P2RY6: variants seen among roughly 807,000 people sequenced by gnomAD.
P2RY6 encodes the protein pyrimidinergic receptor P2Y6.
In P2RY6, 19 loss-of-function variants were observed where a neutral mutation model predicts 16.3. The ratio of observed to expected loss-of-function variants is 1.16; its 90% CI spans 0.81 to 1.71. The LOEUF is 1.71. Among genes scored for constraint, P2RY6 ranks in the 40% most tolerant of loss-of-function variants. P2RY6 has a pLI of 0.00. For missense variants in P2RY6, 389 were observed against 455.5 expected, an observed-to-expected ratio of 0.85 and a Z score of 1.33; for synonymous variants, 184 against 201.5, an observed-to-expected ratio of 0.91 and a Z score of 0.74.
upstream of P2RY6, among the ~76,000 whole-genome samples, chr11:73,270,320 G>A (rs1357021093): frequency 6.6e-6 from 1 of 152,134 alleles, no homozygotes; most frequent in African/African-American, 2.4e-5. Context: ...CTGGGGCTTG[G>A]GGTAGGAGAA....
chr11:73,291,796 A>G lies in P2RY6; in HGVS notation c.-120-3934A>G, dbSNP rs545787024. On this transcript the variant is annotated intron_variant, in intron 1 of 2. Coordinates refer to ENST00000540124, the MANE Select transcript of P2RY6 (RefSeq NM_001277204.2). ...TCATCCTCCCAGCACACTGGTGATC[A>G]GTATGACCATATTCTACCGAGGAGG... 1.1e-3 allele frequency among the ~76,000 whole-genome samples: 171 copies of G among 152,344 alleles called. 1 individual carries two copies. Among genetic ancestry groups the G allele is most frequent in the Middle Eastern group, 3.4e-3 (1 of 294 alleles).
At chr11:73,296,384 G>A (rs1864481896) in intron 2 of P2RY6, 101 bp from the exon 3 acceptor site, 2 of 1,031,892 alleles carry the variant, frequency 1.9e-6, no homozygotes, top group Non-Finnish European at 1.4e-6. Flanking sequence ...CAAAGTTAGT[G>A]CCCTCACTGT....
At chr11:73,290,502 T>C (rs34023835) in intron 1 of P2RY6, among the ~76,000 whole-genome samples, 30,490 of 152,192 alleles carry the variant, frequency 0.2, 3,714 homozygotes, top group African/African-American at 0.35. Flanking sequence ...AGGTTCATGA[T>C]GGGCCAGCCC....
In P2RY6 at chr11:73,276,569, T is replaced by G. The variant is rs1863545042; in HGVS notation, c.-121+4103T>G. 2.6e-5 allele frequency among the ~76,000 whole-genome samples: 4 copies of G among 152,232 alleles called. No homozygotes were observed. The South Asian group carries it at 8.3e-4, about 32-fold the overall frequency. On this transcript the variant is annotated intron_variant, in intron 1 of 2. Transcript: ENST00000540124. The stretch of plus-strand genomic sequence containing the variant: ...ATTTTTATTTATGCTACAACACGGA[T>G]GAACCCTGAAGACACGCTGAGTAAA...
intron 1 of P2RY6, among the ~76,000 whole-genome samples, chr11:73,282,854 A>C (rs1477590447): frequency 6.6e-6 from 1 of 152,196 alleles, no homozygotes; most frequent in African/African-American, 2.4e-5. Context: ...ATTATGGGTG[A>C]TAATAGAAGC....
At chr11:73,290,354 A>AGAAAGAAAGAAAGAAAGAAAGAAG (rs1864184693) in intron 1 of P2RY6, among the ~76,000 whole-genome samples, 2 of 121,878 alleles carry the variant, frequency 1.6e-5, no homozygotes, top group African/African-American at 6.3e-5. Flanking sequence ...AAAGAAAGAA[A>AGAAAGAAAGAAAGAAAGAAAGAAG]GAAAGAAAGA....
At chr11:73,292,723 G>A in intron 1 of P2RY6, 1 of 846,458 alleles carries the variant, frequency 1.2e-6, no homozygotes, top group Non-Finnish European at 1.4e-6. Context: ...TGGTGTTGGG[G>A]ATGGCAGGGA....
chr11:73,290,220 C>A (rs942885774), intron 1 of P2RY6, among the ~76,000 whole-genome samples: 1 of 137,574 alleles, frequency 7.3e-6, no homozygotes, highest in Non-Finnish European at 1.5e-5. Context: ...GAAACTCCGT[C>A]AAAAAAAGAA....
At chr11:73,268,051 C>T (rs928648043), upstream of P2RY6, among the ~76,000 whole-genome samples, 2 of 152,232 alleles carry the variant, frequency 1.3e-5, no homozygotes, top group African/African-American at 2.4e-5. Flanking sequence ...GCGTGCCTGC[C>T]GTGGGTGGTG....
At chr11:73,278,005 TTTTG>T (rs765855633) in intron 1 of P2RY6, among the ~76,000 whole-genome samples, 39 of 152,300 alleles carry the variant, frequency 2.6e-4, no homozygotes, top group Admixed American at 6.5e-4. Flanking sequence ...TTTGTTGTTA[TTTTG>T]TTTGTCTTTT....
chr11:73,282,811 C>A (rs1863818963), intron 1 of P2RY6, among the ~76,000 whole-genome samples: 1 of 152,174 alleles, frequency 6.6e-6, no homozygotes. Flanking sequence ...CAAGGGAAGT[C>A]ATTTCTCATG....
intron 1 of P2RY6, among the ~76,000 whole-genome samples, chr11:73,275,814 A>G (rs1256615421): frequency 6.6e-6 from 1 of 152,176 alleles, no homozygotes; most frequent in Non-Finnish European, 1.5e-5. Context: ...TGACTCTTGG[A>G]TTCATTGGTG....
At chr11:73,267,476 G>A (rs2135676987), upstream of P2RY6, among the ~76,000 whole-genome samples, 1 of 152,238 alleles carries the variant, frequency 6.6e-6, no homozygotes, top group East Asian at 1.9e-4. Flanking sequence ...GGGAATTGTG[G>A]AGTCACTGGG....
At chr11:73,295,213 G>A (rs1265255257) in intron 1 of P2RY6, among the ~76,000 whole-genome samples, 1 of 152,174 alleles carries the variant, frequency 6.6e-6, no homozygotes, top group Non-Finnish European at 1.5e-5. Context: ...TTGTGCTGCT[G>A]GCTCTCCCAA....
chr11:73,290,355 GAAAGAAAGAAGGAAA>G (rs2135743327), intron 1 of P2RY6, among the ~76,000 whole-genome samples: 1 of 114,574 alleles, frequency 8.7e-6, no homozygotes, highest in African/African-American at 3.7e-5. Context: ...AAGAAAGAAA[GAAAGAAAGAAGGAAA>G]GAAAGAGAAA....
rs778340809 is a variant in P2RY6, at chr11:73,296,784, G to A, written c.266G>A (p.Gly89Asp). Residue 89 changes from glycine (G) to aspartate (D), a missense_variant, in exon 3 of 3, where the codon GGT becomes GAT. By Grantham distance (94) the Gly-to-Asp change is moderately conservative. Coordinates refer to ENST00000540124, the MANE Select transcript of P2RY6 (RefSeq NM_001277204.2). ...LPLLIYNYAQ[G>D]DHWPFGDFAC... ...CTGCTCATCTACAACTATGCCCAAG[G>A]TGATCACTGGCCCTTTGGCGACTTC... The A allele has an allele frequency of 3.7e-6, 6 of 1,612,018 alleles. 1 individual carries two copies. In the South Asian group the frequency reaches 6.6e-5, roughly 18 times the overall value.
intron 1 of P2RY6, among the ~76,000 whole-genome samples, chr11:73,287,822 TG>T (rs1272557820): frequency 1.3e-5 from 2 of 152,220 alleles, no homozygotes; most frequent in African/African-American, 4.8e-5. Flanking sequence ...TAGGAGGCCC[TG>T]GGGATCTCCT....
chr11:73,275,214 C>T (rs1591667197), intron 1 of P2RY6, among the ~76,000 whole-genome samples: 2 of 152,224 alleles, frequency 1.3e-5, no homozygotes, highest in African/African-American at 2.4e-5. Context: ...AAGACGAACT[C>T]TGCAGTAGCT....
chr11:73,290,088 G>T (rs1466532525), intron 1 of P2RY6, among the ~76,000 whole-genome samples: 15 of 152,030 alleles, frequency 9.9e-5, no homozygotes, highest in African/African-American at 3.4e-4. Flanking sequence ...TGGTGTGGTG[G>T]CACATGCCTG....
Sources: gnomAD v4.1 joint callset for allele counts (sites outside exome capture counted in the v4.1 genomes callset) on GRCh38, gnomAD v4.1.1 for gene constraint, MANE v1.5 for transcripts, NCBI Gene and HGNC (gene_info 2026-07-23, HGNC 2026-07-21) for gene names.